The following OGDH variants were observed in gnomAD, a reference collection of about 807,000 sequenced individuals.
OGDH encodes the protein oxoglutarate dehydrogenase.
A neutral mutation model predicts 116.6 loss-of-function variants in OGDH; 38 were observed. The observed-to-expected ratio is 0.33, with a 90% CI of 0.25 to 0.43. OGDH has a LOEUF of 0.43. OGDH is among the 20% of genes least tolerant of loss of function. The pLI, the probability that OGDH is intolerant of heterozygous loss-of-function variation, is 1.00. For synonymous variants in OGDH, 488 were observed against 533.3 expected, an observed-to-expected ratio of 0.92 and a Z score of 1.17; for missense variants, 825 against 1,357.2, an observed-to-expected ratio of 0.61 and a Z score of 6.16.
At chr7:44,699,195 A>G (rs1352269363) in intron 18 of OGDH, among the ~76,000 whole-genome samples, 1 of 152,004 alleles carries the variant, frequency 6.6e-6, no homozygotes, top group African/African-American at 2.4e-5. Context: ...TTGGAGGCCC[A>G]GGCAGGTGGA....
At chr7:44,629,575 CTTTTCTTTTTTTT>C (rs1168967926) in intron 2 of OGDH, among the ~76,000 whole-genome samples, 18 of 134,434 alleles carry the variant, frequency 1.3e-4, no homozygotes, top group Admixed American at 3.1e-4. Context: ...TTTTCTTTTT[CTTTTCTTTTTTTT>C]TTTTTTTTTT....
At chr7:44,664,184 G>T (rs1470166837) in intron 4 of OGDH, among the ~76,000 whole-genome samples, 1 of 152,206 alleles carries the variant, frequency 6.6e-6, no homozygotes, top group Non-Finnish European at 1.5e-5. Flanking sequence ...GTTCCCCACT[G>T]TGGTGGGGGA....
At chr7:44,608,204 CAGCCTGAGCA>C (rs1434957984) in intron 1 of OGDH, among the ~76,000 whole-genome samples, 5 of 152,112 alleles carry the variant, frequency 3.3e-5, no homozygotes, top group Admixed American at 2.6e-4. Context: ...TCAAGGAGAC[CAGCCTGAGCA>C]ACCAAAGTGA....
intron 1 of OGDH, among the ~76,000 whole-genome samples, chr7:44,621,381 T>C (rs374604755): frequency 6.6e-6 from 1 of 152,208 alleles, no homozygotes. Flanking sequence ...GCTTTTAATA[T>C]CTTCTTATGC....
intron 4 of OGDH, among the ~76,000 whole-genome samples, chr7:44,664,836 G>C (rs949019501): frequency 6.6e-6 from 1 of 152,148 alleles, no homozygotes; most frequent in Non-Finnish European, 1.5e-5. Context: ...CTGAGGCTCA[G>C]CAGTATAGCC....
At chr7:44,633,709 T>C (rs1785545263) in intron 2 of OGDH, among the ~76,000 whole-genome samples, 1 of 152,166 alleles carries the variant, frequency 6.6e-6, no homozygotes, top group Admixed American at 6.5e-5. Flanking sequence ...GCAGATGCTT[T>C]GTGTAGCTGG....
In OGDH at chr7:44,700,230, C is replaced by T. The variant is rs776378268; in HGVS notation, c.2520C>T (p.His840=). ...VNCSTPGNFF[H]VLRRQILLPF... The stretch of plus-strand genomic sequence containing the variant: ...GCTCCACTCCTGGCAACTTCTTCCA[C>T]GTGCTACGACGCCAGATCCTGCTGC... Residue 840 remains histidine (H), a synonymous_variant, in exon 19 of 23, where the codon CAC becomes CAT. Transcript: ENST00000222673. 29 of 1,614,092 alleles carry T rather than the reference C, an allele frequency of 1.8e-5. No individual in the cohort carries two copies. The highest frequency in any genetic ancestry group is 2.1e-5 in the Non-Finnish European group (25 of 1,180,030).
intron 7 of OGDH, 65 bp from the exon 8 acceptor site, chr7:44,675,113 C>G: frequency 7.7e-7 from 1 of 1,297,538 alleles, no homozygotes; most frequent in Non-Finnish European, 1.1e-6. Flanking sequence ...ATTGTAACAC[C>G]CTCATCTGCC....
At chr7:44,645,623 A>G in intron 3 of OGDH, 105 bp downstream of exon 3, 2 of 1,055,240 alleles carry the variant, frequency 1.9e-6, no homozygotes, top group East Asian at 2.6e-5. Flanking sequence ...CACTTTACTT[A>G]TACCTCCTCA....
intron 10 of OGDH, among the ~76,000 whole-genome samples, chr7:44,683,068 G>A (rs905354139): frequency 3.4e-4 from 51 of 151,984 alleles, no homozygotes; most frequent in African/African-American, 1.2e-3. Context: ...AGAATGGCGT[G>A]AACCCGGGAG....
At chr7:44,683,671 C>G (rs532099411) in intron 10 of OGDH, among the ~76,000 whole-genome samples, 2 of 152,330 alleles carry the variant, frequency 1.3e-5, no homozygotes, top group Non-Finnish European at 2.9e-5. Flanking sequence ...ATTACGTACC[C>G]TTTTAAAATA....
chr7:44,644,299 T>A (rs7786700), intron 2 of OGDH, among the ~76,000 whole-genome samples: 1 of 152,370 alleles, frequency 6.6e-6, no homozygotes, highest in African/African-American at 2.4e-5. Context: ...TTAAATATTT[T>A]AAAAACTTGC....
intron 4 of OGDH, among the ~76,000 whole-genome samples, chr7:44,658,102 CAT>C (rs1786774981): frequency 6.6e-6 from 1 of 152,168 alleles, no homozygotes; most frequent in African/African-American, 2.4e-5. Flanking sequence ...TTTCCTTCTC[CAT>C]ATAAATTTGA....
intron 2 of OGDH, among the ~76,000 whole-genome samples, chr7:44,643,872 G>A (rs1786056054): frequency 6.6e-6 from 1 of 152,160 alleles, no homozygotes; most frequent in Non-Finnish European, 1.5e-5. Flanking sequence ...GGCTGGAAAA[G>A]GTATTGCAGA....
chr7:44,606,951 TGGGCGAGCGGG>T (rs1164156861), intron 1 of OGDH, among the ~76,000 whole-genome samples: 13 of 151,290 alleles, frequency 8.6e-5, no homozygotes, highest in Non-Finnish European at 1.6e-4. Flanking sequence ...CCATTGGCGG[TGGGCGAGCGGG>T]GGGCGGGCGC....
At chr7:44,703,044 C>T (rs770629232) in intron 20 of OGDH, among the ~76,000 whole-genome samples, 3 of 152,160 alleles carry the variant, frequency 2.0e-5, no homozygotes, top group African/African-American at 7.2e-5. Flanking sequence ...TTGTCCCTTG[C>T]GACTGGCTTG....
In OGDH at chr7:44,650,440, G is replaced by C. The variant is rs1786387521; in HGVS notation, c.517+2681G>C. Among the ~76,000 whole-genome samples the C allele has an allele frequency of 1.3e-5, 2 of 152,168 alleles. 1 individual carries two copies. Among genetic ancestry groups the C allele is most frequent in the South Asian group, 4.1e-4 (2 of 4,824 alleles). On this transcript the variant is annotated intron_variant, in intron 4 of 22. Coordinates refer to ENST00000222673, the MANE Select transcript of OGDH (RefSeq NM_002541.4). ...CTCTCTGTGCCTCATCACCTCATCT[G>C]TAAGGCAGGGGTGATGGTACCTACC...
rs754491484 is a variant in OGDH at position 44,674,380 on chromosome 7, G to T, written c.789-31G>T. On this transcript the variant is annotated intron_variant, in intron 6 of 22. Transcript: ENST00000222673. ...CTTTTTGGTCAGGAAGAGTGACATT[G>T]CCCTTCAAGGTGGCTTGGTTCCCTG... is the stretch of plus-strand genomic sequence containing the variant. 5.6e-6 allele frequency: 9 copies of T among 1,613,384 alleles called. No homozygotes were observed. In the African/African-American group the frequency reaches 1.1e-4, roughly 19 times the overall value.
At chr7:44,674,957 G>C (rs1409015143) in intron 7 of OGDH, among the ~76,000 whole-genome samples, 1 of 152,148 alleles carries the variant, frequency 6.6e-6, no homozygotes, top group Non-Finnish European at 1.5e-5. Flanking sequence ...CCATGGCATT[G>C]CTGCATCTTC....
Sources: allele counts gnomAD v4.1 joint callset (sites outside exome capture counted in the v4.1 genomes callset), GRCh38; gene constraint gnomAD v4.1.1; transcripts MANE v1.5; gene names NCBI Gene and HGNC (gene_info 2026-07-23, HGNC 2026-07-21).